Variants in GRM8 observed in about 807,000 individuals in gnomAD.
The protein encoded by GRM8 is glutamate metabotropic receptor 8, also known as metabotropic glutamate receptor 8.
Under a neutral mutation model 87.2 loss-of-function variants are expected in GRM8, and 47 were observed. The observed-to-expected ratio is 0.54, with a 90% CI of 0.43 to 0.69. GRM8 has a LOEUF of 0.69. Ranked by LOEUF, GRM8 falls within the 30% of genes least tolerant of loss-of-function variation. The pLI, the probability that GRM8 is intolerant of heterozygous loss-of-function variation, is 0.00. For missense variants in GRM8, 1,019 were observed against 1,139.2 expected, an observed-to-expected ratio of 0.89 and a Z score of 1.52; for synonymous variants, 396 against 404.5, an observed-to-expected ratio of 0.98 and a Z score of 0.25.
chr7:127,236,841 G>A (rs2116844625), intron 2 of GRM8, among the ~76,000 whole-genome samples: 1 of 152,290 alleles, frequency 6.6e-6, no homozygotes, highest in South Asian at 2.1e-4. Flanking sequence ...TTCTCTGACA[G>A]GCCCATGCTA....
At chr7:126,857,756 A>G (rs536829087) in intron 6 of GRM8, among the ~76,000 whole-genome samples, 5 of 152,236 alleles carry the variant, frequency 3.3e-5, no homozygotes, top group African/African-American at 9.6e-5. Flanking sequence ...CTATTATATT[A>G]CTGGATGTTT....
intron 2 of GRM8, among the ~76,000 whole-genome samples, chr7:127,194,631 C>T (rs962594327): frequency 6.6e-6 from 1 of 152,032 alleles, no homozygotes; most frequent in Admixed American, 6.5e-5. Flanking sequence ...TCCAACAAAA[C>T]CCTTAATGTT....
intron 6 of GRM8, among the ~76,000 whole-genome samples, chr7:126,797,223 A>G (rs1023679689): frequency 1.3e-5 from 2 of 152,076 alleles, no homozygotes; most frequent in Non-Finnish European, 2.9e-5. Flanking sequence ...TGTCAATATA[A>G]AGGTTACAAC....
intron 2 of GRM8, among the ~76,000 whole-genome samples, chr7:127,210,290 C>T (rs2116624980): frequency 6.6e-6 from 1 of 152,264 alleles, no homozygotes; most frequent in East Asian, 1.9e-4. Context: ...CACACCACAC[C>T]AGTAAACAGT....
intron 7 of GRM8, among the ~76,000 whole-genome samples, chr7:126,768,263 C>T (rs1345664126): frequency 6.9e-6 from 1 of 145,212 alleles, no homozygotes; most frequent in Admixed American, 7.3e-5. Context: ...ACTCGAAGTG[C>T]CATGAATGTT....
At chr7:126,518,421 C>T (rs1468549546) in intron 9 of GRM8, among the ~76,000 whole-genome samples, 1 of 152,010 alleles carries the variant, frequency 6.6e-6, no homozygotes, top group Non-Finnish European at 1.5e-5. Context: ...GTGGGCTATA[C>T]TTTTATTTTT....
chr7:126,651,772 C>T (rs956690841), intron 7 of GRM8, among the ~76,000 whole-genome samples: 2 of 152,156 alleles, frequency 1.3e-5, no homozygotes, highest in Non-Finnish European at 2.9e-5. Flanking sequence ...TACTGCTCCA[C>T]AATGAAGGTA....
chr7:127,077,817 T>C (rs937485652), intron 3 of GRM8, among the ~76,000 whole-genome samples: 4 of 152,238 alleles, frequency 2.6e-5, no homozygotes, highest in South Asian at 2.1e-4. Flanking sequence ...TGAGATTCTG[T>C]ATCCTTCTTG....
Position 126,947,304 on chromosome 7 carries a change from G to A in GRM8, c.728-42621C>T, listed in dbSNP as rs151033799. ...GTATTCTCCGTACTGAGCCAACTGTGAAACAGAAGCTTGGAGAGTAACATT... is the reference window on the plus strand; with the variant it reads ...GTATTCTCCGTACTGAGCCAACTGTAAAACAGAAGCTTGGAGAGTAACATT... On this transcript the variant is annotated intron_variant, in intron 3 of 10. Coordinates refer to ENST00000339582, the MANE Select transcript of GRM8 (RefSeq NM_000845.3). Among the ~76,000 whole-genome samples the A allele has an allele frequency of 1.6e-3, 251 of 152,300 alleles. 1 individual carries two copies. The highest frequency in any genetic ancestry group is 5.8e-3 in the African/African-American group (243 of 41,552).
chr7:126,679,992 G>C (rs1168254033), intron 7 of GRM8, among the ~76,000 whole-genome samples: 1 of 151,294 alleles, frequency 6.6e-6, no homozygotes, highest in African/African-American at 2.4e-5. Context: ...GATTGCTCCA[G>C]TGCACTCCAG....
intron 6 of GRM8, among the ~76,000 whole-genome samples, chr7:126,839,272 G>A (rs1210039630): frequency 1.3e-5 from 2 of 152,182 alleles, no homozygotes; most frequent in Non-Finnish European, 2.9e-5. Flanking sequence ...TGGAATAGCA[G>A]CTACAACATC....
chr7:126,646,547 G>A (rs1419484), intron 7 of GRM8, among the ~76,000 whole-genome samples: 46,810 of 151,980 alleles, frequency 0.31, 8,080 homozygotes, highest in East Asian at 0.43. Context: ...TGCCAAACCA[G>A]GAGAGGCTTA....
chr7:126,874,599 T>G (rs2130929354), intron 6 of GRM8, among the ~76,000 whole-genome samples: 1 of 152,232 alleles, frequency 6.6e-6, no homozygotes, highest in African/African-American at 2.4e-5. Flanking sequence ...GTAAGCATTT[T>G]TATTCCCATA....
At chr7:127,127,052 G>A (rs1827413162) in intron 2 of GRM8, among the ~76,000 whole-genome samples, 1 of 151,956 alleles carries the variant, frequency 6.6e-6, no homozygotes, top group South Asian at 2.1e-4. Flanking sequence ...AATTCCTAAA[G>A]GTAGAAACTG....
At chr7:126,713,589 T>C (rs1811363637) in intron 7 of GRM8, among the ~76,000 whole-genome samples, 1 of 145,608 alleles carries the variant, frequency 6.9e-6, no homozygotes, top group South Asian at 2.2e-4. Context: ...ATTCTGCACA[T>C]GTATCCAAGA....
chr7:127,150,209 A>G (rs1271871907), intron 2 of GRM8, among the ~76,000 whole-genome samples: 2 of 152,104 alleles, frequency 1.3e-5, no homozygotes, highest in African/African-American at 4.8e-5. Flanking sequence ...AGGAAAGAAG[A>G]CAGGCATAGA....
chr7:126,591,143 A>C (rs917377516), intron 8 of GRM8, among the ~76,000 whole-genome samples: 2 of 152,216 alleles, frequency 1.3e-5, no homozygotes, highest in Non-Finnish European at 2.9e-5. Context: ...CTCACCTAAA[A>C]CATAAGAACT....
chr7:126,593,743 TGA>T (rs1221163603), intron 8 of GRM8, among the ~76,000 whole-genome samples: 1 of 151,614 alleles, frequency 6.6e-6, no homozygotes, highest in African/African-American at 2.4e-5. Context: ...CAAAAATAAA[TGA>T]GGGGACTATA....
intron 2 of GRM8, among the ~76,000 whole-genome samples, chr7:127,114,346 A>G (rs2133146142): frequency 6.6e-6 from 1 of 152,288 alleles, no homozygotes; most frequent in Admixed American, 6.5e-5. Flanking sequence ...AGCCAGGAGT[A>G]CACTATATTG....
Sources: gnomAD v4.1 joint callset for allele counts (sites outside exome capture counted in the v4.1 genomes callset) on GRCh38, gnomAD v4.1.1 for gene constraint, MANE v1.5 for transcripts, NCBI Gene and HGNC (gene_info 2026-07-23, HGNC 2026-07-21) for gene names.